The following CNGB1 variants were observed in gnomAD, a reference collection of about 807,000 sequenced individuals.
The protein encoded by CNGB1 is cyclic nucleotide-gated channel beta-1.
Under a neutral mutation model 151.7 loss-of-function variants are expected in CNGB1, and 126 were observed. The observed-to-expected ratio is 0.83, with a 90% CI of 0.72 to 0.96. CNGB1 has a LOEUF of 0.96. CNGB1 is among the 40% of genes least tolerant of loss of function. The probability of loss-of-function intolerance (pLI) is 0.00; values close to 1 mark genes in which losing one functional copy is unlikely to be tolerated. For missense variants in CNGB1, 1,698 were observed against 1,627.0 expected, an observed-to-expected ratio of 1.04 and a Z score of -0.75; for synonymous variants, 623 against 635.1, an observed-to-expected ratio of 0.98 and a Z score of 0.29.
At chr16:57,922,374 G>T (rs1961060766) in intron 18 of CNGB1, among the ~76,000 whole-genome samples, 1 of 151,638 alleles carries the variant, frequency 6.6e-6, no homozygotes, top group Non-Finnish European at 1.5e-5. Flanking sequence ...TTCGATCTCA[G>T]AGACCCAGGT....
chr16:57,924,642 C>T (rs933546312), intron 17 of CNGB1, among the ~76,000 whole-genome samples: 4 of 152,144 alleles, frequency 2.6e-5, no homozygotes, highest in Non-Finnish European at 5.9e-5. Context: ...TAGGACTTGA[C>T]GTGGTTTTGG....
chr16:57,935,944 G>A (rs778090980), intron 16 of CNGB1, among the ~76,000 whole-genome samples: 3 of 152,090 alleles, frequency 2.0e-5, no homozygotes, highest in Non-Finnish European at 4.4e-5. Flanking sequence ...GGACAACAGT[G>A]GACGTCTTCC....
intron 17 of CNGB1, among the ~76,000 whole-genome samples, chr16:57,927,154 A>G (rs200000085): frequency 6.6e-6 from 1 of 152,312 alleles, no homozygotes; most frequent in East Asian, 1.9e-4. Flanking sequence ...TCACAATTCT[A>G]GTAACCAGGT....
rs913132875 is a variant in CNGB1 at position 57,895,568 on chromosome 16, T to C, written c.3242+1829A>G. 1.5e-4 allele frequency among the ~76,000 whole-genome samples: 23 copies of C among 149,344 alleles called. No homozygotes were observed. The South Asian group carries it at 3.6e-3, about 23-fold the overall frequency. On this transcript the variant is annotated intron_variant, in intron 31 of 32. Coordinates refer to ENST00000251102, the MANE Select transcript of CNGB1 (RefSeq NM_001297.5). ...TGTATTTTTTATATATATATATATA[T>C]TTGTACTTATACATCTTGGTGTGTA...
intron 32 of CNGB1, among the ~76,000 whole-genome samples, chr16:57,885,977 T>A (rs1191844542): frequency 6.6e-6 from 1 of 152,182 alleles, no homozygotes; most frequent in African/African-American, 2.4e-5. Context: ...CATGGTGCTA[T>A]GGCTGGAATC....
chr16:57,903,579 G>A (rs1356379333), intron 27 of CNGB1, among the ~76,000 whole-genome samples: 1 of 152,160 alleles, frequency 6.6e-6, no homozygotes, highest in Non-Finnish European at 1.5e-5. Flanking sequence ...AAGTGAGGGG[G>A]GCAGGCACAC....
chr16:57,910,695 T>TC (rs1555489151), intron 25 of CNGB1, among the ~76,000 whole-genome samples: 12 of 144,440 alleles, frequency 8.3e-5, no homozygotes, highest in East Asian at 2.0e-4. Context: ...TTTTTTTTTT[T>TC]CCCAAGCAGA....
At chr16:57,962,217 A>T (rs1352223909) in intron 7 of CNGB1, among the ~76,000 whole-genome samples, 1 of 152,120 alleles carries the variant, frequency 6.6e-6, no homozygotes, top group Non-Finnish European at 1.5e-5. Context: ...AGGCACCCTG[A>T]TGTCCCCCAC....
intron 25 of CNGB1, among the ~76,000 whole-genome samples, chr16:57,909,341 C>T (rs898769295): frequency 1.3e-5 from 2 of 152,134 alleles, no homozygotes; most frequent in African/African-American, 2.4e-5. Flanking sequence ...CAGTGGACCT[C>T]TCTATAAACT....
chr16:57,911,626 G>T, intron 25 of CNGB1, 127 bp downstream of exon 25: 1 of 1,323,024 alleles, frequency 7.6e-7, no homozygotes, highest in Non-Finnish European at 1.1e-6. Flanking sequence ...GCCAGTGATT[G>T]CTTAGGAGCA....
At chr16:57,955,351 C>A in intron 12 of CNGB1, 1 of 1,551,780 alleles carries the variant, frequency 6.4e-7, no homozygotes, top group Non-Finnish European at 8.7e-7. Context: ...TTTCAGAGAC[C>A]TCCAGCTCCC....
intron 23 of CNGB1, among the ~76,000 whole-genome samples, chr16:57,914,328 A>C (rs1960806209): frequency 6.6e-6 from 1 of 152,192 alleles, no homozygotes; most frequent in Non-Finnish European, 1.5e-5. Flanking sequence ...GTGTCAAATA[A>C]GAATGGTGCC....
chr16:57,938,295 T>C (rs1190910823), intron 16 of CNGB1, among the ~76,000 whole-genome samples: 2 of 152,320 alleles, frequency 1.3e-5, no homozygotes, highest in East Asian at 3.9e-4. Flanking sequence ...TAGGAATTCC[T>C]ATAAATATGT....
At chr16:57,886,822 G>C (rs1959943079) in intron 32 of CNGB1, among the ~76,000 whole-genome samples, 1 of 152,154 alleles carries the variant, frequency 6.6e-6, no homozygotes, top group Non-Finnish European at 1.5e-5. Context: ...ATAGGTTTAT[G>C]GGGGTGGGGA....
chr16:57,962,341 C>T (rs564203614), intron 7 of CNGB1, among the ~76,000 whole-genome samples: 2 of 152,286 alleles, frequency 1.3e-5, no homozygotes, highest in South Asian at 4.1e-4. Flanking sequence ...CACCCAGGGA[C>T]CTCTCAGTCA....
At chr16:57,896,311 G>A (rs1178878809) in intron 31 of CNGB1, among the ~76,000 whole-genome samples, 1 of 152,180 alleles carries the variant, frequency 6.6e-6, no homozygotes, top group Non-Finnish European at 1.5e-5. Flanking sequence ...CGATACATTT[G>A]CTGCAGAAGC....
intron 17 of CNGB1, among the ~76,000 whole-genome samples, chr16:57,926,748 G>A (rs1248084847): frequency 3.3e-5 from 5 of 152,178 alleles, no homozygotes; most frequent in Non-Finnish European, 1.5e-5. Context: ...GGGAGGCTGA[G>A]GCGGGCAGAT....
intron 21 of CNGB1, 63 bp from the exon 22 acceptor site, chr16:57,916,242 C>G: frequency 1.3e-6 from 2 of 1,519,752 alleles, no homozygotes; most frequent in Non-Finnish European, 1.8e-6. Context: ...CCCTGTGGAG[C>G]AATTGTGAAA....
chr16:57,962,916 C>A, intron 5 of CNGB1, 44 bp from the exon 6 acceptor site: 1 of 1,612,178 alleles, frequency 6.2e-7, no homozygotes, highest in Non-Finnish European at 8.5e-7. Context: ...AGCCCAAGGG[C>A]AGCCTCCCCA....
Sources: gnomAD v4.1 joint callset for allele counts (sites outside exome capture counted in the v4.1 genomes callset) on GRCh38, gnomAD v4.1.1 for gene constraint, MANE v1.5 for transcripts, NCBI Gene and HGNC (gene_info 2026-07-23, HGNC 2026-07-21) for gene names.